The following GAB2 variants were observed in gnomAD, a reference collection of about 807,000 sequenced individuals.
GAB2 encodes the protein GRB2 associated binding protein 2.
In GAB2, 26 loss-of-function variants were observed where a neutral mutation model predicts 65.5. The observed-to-expected ratio is 0.40, with a 90% confidence interval of 0.29 to 0.55. GAB2 has a LOEUF of 0.55. GAB2 is among the 20% of genes least tolerant of loss of function. The probability of loss-of-function intolerance (pLI) is 0.53; values close to 1 mark genes in which losing one functional copy is unlikely to be tolerated. For missense variants in GAB2, 884 were observed against 875.8 expected, an observed-to-expected ratio of 1.01 and a Z score of -0.12; for synonymous variants, 321 against 329.6, an observed-to-expected ratio of 0.97 and a Z score of 0.28.
chr11:78,400,406 G>T (rs1175636056), intron 1 of GAB2, among the ~76,000 whole-genome samples: 1 of 152,178 alleles, frequency 6.6e-6, no homozygotes, highest in Non-Finnish European at 1.5e-5. Flanking sequence ...GTCTGCAAAT[G>T]CCTTGAAGGC....
intron 1 of GAB2, among the ~76,000 whole-genome samples, chr11:78,318,436 G>A (rs1277976632): frequency 7.0e-6 from 1 of 143,692 alleles, no homozygotes; most frequent in African/African-American, 2.6e-5. Flanking sequence ...GCGGACCACT[G>A]ACAGTTTTAA....
chr11:78,415,580 T>A (rs926585333), intron 1 of GAB2, among the ~76,000 whole-genome samples: 1 of 152,240 alleles, frequency 6.6e-6, no homozygotes, highest in East Asian at 1.9e-4. Context: ...TCCAGTCATG[T>A]AAGTGAACAC....
intron 1 of GAB2, among the ~76,000 whole-genome samples, chr11:78,292,934 T>C (rs536677524): frequency 6.6e-6 from 1 of 152,270 alleles, no homozygotes; most frequent in South Asian, 2.1e-4. Context: ...ATTAAACAAC[T>C]TACAGAGACC....
Position 78,226,993 on chromosome 11 carries a change from C to T in GAB2, c.679G>A (p.Val227Ile), listed in dbSNP as rs1864687424. The T allele has an allele frequency of 2.5e-6, 4 of 1,613,522 alleles. No homozygotes were observed. The highest frequency in any genetic ancestry group is 1.7e-5 in the Admixed American group (1 of 59,994). ...CCATTGCCCTGGGCAAGTTTTTGTACAGCTGTGTCACTCCTCATGAGAAAA... is the reference window on the plus strand; with the variant it reads ...CCATTGCCCTGGGCAAGTTTTTGTATAGCTGTGTCACTCCTCATGAGAAAA... ...ASFLMRSDTA[V>I]QKLAQGNGHC... The change falls in exon 4 of 10, where the codon GTA becomes ATA. Residue 227 changes from valine to isoleucine, a missense_variant. By Grantham distance (29) the Val-to-Ile change is conservative. Transcript: ENST00000361507.
At chr11:78,263,200 T>C (rs551805222) in intron 2 of GAB2, among the ~76,000 whole-genome samples, 1 of 152,274 alleles carries the variant, frequency 6.6e-6, no homozygotes, top group African/African-American at 2.4e-5. Context: ...TGCTTTGAAA[T>C]AACCAAGAGA....
rs781470521 is a variant in GAB2, at chr11:78,416,903, G to T, written c.75+743C>A. Among the ~76,000 whole-genome samples, 5 of 152,144 alleles carry T rather than the reference G, an allele frequency of 3.3e-5. No individual in the cohort carries two copies. In the South Asian group the frequency reaches 6.2e-4, roughly 19 times the overall value. On this transcript the variant is annotated intron_variant, in intron 1 of 9. Transcript: ENST00000361507. Reference sequence around the variant, plus strand: ...TCCAGCGATCTCAGTAAACACTGTCGGTTGGCAACACCTGGCCGCGGAGAG... The same window carrying T: ...TCCAGCGATCTCAGTAAACACTGTCTGTTGGCAACACCTGGCCGCGGAGAG...
intron 3 of GAB2, among the ~76,000 whole-genome samples, chr11:78,234,951 A>C (rs1283534316): frequency 6.6e-6 from 1 of 151,880 alleles, no homozygotes; most frequent in African/African-American, 2.4e-5. Context: ...CGAAGGTTGC[A>C]ATGAGCTGAG....
chr11:78,310,054 C>T (rs1285158971), intron 1 of GAB2, among the ~76,000 whole-genome samples: 4 of 151,472 alleles, frequency 2.6e-5, no homozygotes, highest in African/African-American at 7.3e-5. Context: ...CATTAGAGGG[C>T]AGAGGACAGG....
At chr11:78,376,905 A>G (rs997607287) in intron 1 of GAB2, among the ~76,000 whole-genome samples, 2 of 152,178 alleles carry the variant, frequency 1.3e-5, no homozygotes, top group Non-Finnish European at 1.5e-5. Flanking sequence ...AGGTGTTTAG[A>G]TCATGGGAGT....
intron 1 of GAB2, among the ~76,000 whole-genome samples, chr11:78,309,971 T>TGTGTGTGTGTGTGTGTGTGCGCGCGC (rs1421836447): frequency 2.2e-4 from 27 of 120,076 alleles, no homozygotes; most frequent in African/African-American, 8.6e-4. Flanking sequence ...TGTGTGTGTG[T>TGTGTGTGTGTGTGTGTGTGCGCGCGC]GCGCGCGCGC....
At chr11:78,371,745 A>T (rs1190267057) in intron 1 of GAB2, among the ~76,000 whole-genome samples, 1 of 152,238 alleles carries the variant, frequency 6.6e-6, no homozygotes, top group East Asian at 1.9e-4. Flanking sequence ...AGCTTTTCAT[A>T]AGACCATTAG....
rs2134464426 is a variant in GAB2 at position 78,225,187 on chromosome 11, G to A, written c.1223C>T (p.Thr408Ile). Residue 408 changes from threonine (T) to isoleucine (I), a missense_variant, in exon 5 of 10, where the codon ACC becomes ATC. Coordinates refer to ENST00000361507, the MANE Select transcript of GAB2 (RefSeq NM_080491.3). ...SRLHRASSCE[T>I]YEYPQRGGES... is the part of the protein sequence containing the mutation. ...TCCACCACGCTGTGGGTACTCGTAG[G>A]TCTCACAGGAAGAAGCTGACAGAGG... The A allele has an allele frequency of 1.2e-6, 2 of 1,609,870 alleles. No individual in the cohort carries two copies. The highest frequency in any genetic ancestry group is 1.7e-6 in the Non-Finnish European group (2 of 1,176,144).
chr11:78,286,948 G>A (rs1030284345), intron 1 of GAB2, among the ~76,000 whole-genome samples: 1 of 152,104 alleles, frequency 6.6e-6, no homozygotes, highest in Non-Finnish European at 1.5e-5. Flanking sequence ...CTGTTCTAAC[G>A]TCTATATAAA....
chr11:78,386,486 A>G (rs1856768784), intron 1 of GAB2, among the ~76,000 whole-genome samples: 1 of 152,224 alleles, frequency 6.6e-6, no homozygotes, highest in Non-Finnish European at 1.5e-5. Context: ...AAGTACACAT[A>G]AGTAATGAAG....
intron 1 of GAB2, among the ~76,000 whole-genome samples, chr11:78,331,746 G>A (rs1012018617): frequency 3.9e-5 from 6 of 152,138 alleles, no homozygotes; most frequent in African/African-American, 1.2e-4. Flanking sequence ...GAGGTCCCAG[G>A]CTGGCTCAGA....
chr11:78,319,340 A>C (rs577774419), intron 1 of GAB2, among the ~76,000 whole-genome samples: 1 of 152,326 alleles, frequency 6.6e-6, no homozygotes, highest in East Asian at 1.9e-4. Flanking sequence ...CAGTATTTCA[A>C]ATGCCTTAAA....
At chr11:78,373,039 G>A (rs894417719) in intron 1 of GAB2, among the ~76,000 whole-genome samples, 2 of 152,074 alleles carry the variant, frequency 1.3e-5, no homozygotes, top group African/African-American at 4.8e-5. Context: ...GACTACCTGA[G>A]GGACAGATAT....
intron 2 of GAB2, among the ~76,000 whole-genome samples, chr11:78,267,713 C>T (rs1865905148): frequency 6.6e-6 from 1 of 151,654 alleles, no homozygotes; most frequent in South Asian, 2.1e-4. Context: ...AAAAAATTAG[C>T]CGGGTGCAGT....
intron 1 of GAB2, among the ~76,000 whole-genome samples, chr11:78,400,250 G>C (rs1856952095): frequency 6.6e-6 from 1 of 152,096 alleles, no homozygotes; most frequent in Non-Finnish European, 1.5e-5. Flanking sequence ...TATCTCTTGA[G>C]TCCAACTCAC....
Sources: allele counts gnomAD v4.1 joint callset (sites outside exome capture counted in the v4.1 genomes callset), GRCh38; gene constraint gnomAD v4.1.1; transcripts MANE v1.5; gene names NCBI Gene and HGNC (gene_info 2026-07-23, HGNC 2026-07-21).